EYA4: variants seen among roughly 807,000 people sequenced by gnomAD.
EYA4 encodes EYA transcriptional coactivator and phosphatase 4, also known as protein phosphatase EYA4.
In EYA4, 31 loss-of-function variants were observed where a neutral mutation model predicts 87.9. The ratio of observed to expected loss-of-function variants is 0.35; its 90% CI spans 0.27 to 0.48. The LOEUF is 0.48. EYA4 is among the 20% of genes least tolerant of loss of function. EYA4 has a pLI of 0.99. For missense variants in EYA4, 678 were observed against 761.4 expected (o/e 0.89, Z 1.29); for synonymous variants, 263 against 270.6 (o/e 0.97, Z 0.28).
At chr6:133,425,071 T>C (rs906044077) in intron 3 of EYA4, among the ~76,000 whole-genome samples, 18 of 150,908 alleles carry the variant, frequency 1.2e-4, no homozygotes, top group Non-Finnish European at 1.9e-4. Flanking sequence ...AGTATTCCTT[T>C]GGGTGGTGGT....
chr6:133,242,817 T>G (rs1323910990), intron 1 of EYA4, among the ~76,000 whole-genome samples: 1 of 152,168 alleles, frequency 6.6e-6, no homozygotes, highest in Non-Finnish European at 1.5e-5. Flanking sequence ...AGTGTTTCCC[T>G]TCACCACCAC....
chr6:133,495,254 G>A (rs1437302337), intron 13 of EYA4, among the ~76,000 whole-genome samples: 6 of 151,606 alleles, frequency 4.0e-5, no homozygotes, highest in South Asian at 2.1e-4. Flanking sequence ...GGGCAACAGA[G>A]TGAGACTCTG....
intron 3 of EYA4, among the ~76,000 whole-genome samples, chr6:133,398,713 A>G (rs1238865557): frequency 6.6e-6 from 1 of 152,212 alleles, no homozygotes; most frequent in East Asian, 1.9e-4. Flanking sequence ...TTCGCTAAGA[A>G]TGTGGACCTT....
chr6:133,340,617 C>T (rs1245267528), intron 2 of EYA4, among the ~76,000 whole-genome samples: 1 of 151,964 alleles, frequency 6.6e-6, no homozygotes, highest in Non-Finnish European at 1.5e-5. Flanking sequence ...TGCACTGGCC[C>T]CAAGGCAGAA....
At chr6:133,520,809 G>A (rs1325325542) in intron 17 of EYA4, among the ~76,000 whole-genome samples, 5 of 151,886 alleles carry the variant, frequency 3.3e-5, no homozygotes, top group South Asian at 2.1e-4. Context: ...AAATAACACC[G>A]CCTATCTACA....
At chr6:133,475,985 A>G (rs1795692671) in intron 11 of EYA4, among the ~76,000 whole-genome samples, 1 of 152,070 alleles carries the variant, frequency 6.6e-6, no homozygotes, top group African/African-American at 2.4e-5. Context: ...CACAGAAATT[A>G]TATAATGCCC....
At position 133,369,960 on chromosome 6, in the gene EYA4, A is replaced by G. The variant is rs1268505263; in HGVS notation, c.34-12432A>G. Among the ~76,000 whole-genome samples the G allele has an allele frequency of 3.3e-5, 5 of 152,170 alleles. 1 individual carries two copies. The highest frequency in any genetic ancestry group is 2.0e-4 in the Admixed American group (3 of 15,276). On this transcript the variant is annotated intron_variant, in intron 2 of 19. Coordinates refer to ENST00000355286, the MANE Select transcript of EYA4 (RefSeq NM_004100.5). The stretch of plus-strand genomic sequence containing the variant: ...TGAGGGTGACCTCTGACATCAAGTC[A>G]TCTTACTATAAACAGAAGGGCGTGG...
intron 11 of EYA4, among the ~76,000 whole-genome samples, chr6:133,472,862 C>G (rs2128685696): frequency 6.9e-6 from 1 of 145,720 alleles, no homozygotes; most frequent in African/African-American, 2.5e-5. Context: ...CCTTCTTTGT[C>G]TCTTTTGATC....
At position 133,468,689 on chromosome 6, in the gene EYA4, T is replaced by C; in HGVS notation, c.928T>C (p.Tyr310His). 1.9e-6 allele frequency: 3 copies of C among 1,613,118 alleles called. No homozygotes were observed. The highest frequency in any genetic ancestry group is 2.5e-6 in the Non-Finnish European group (3 of 1,179,314). The stretch of plus-strand genomic sequence containing the variant: ...TGGCACACCCTCTTCAACCTCTACT[T>C]ATCAGTTGCAGGAATCTCTCCCAGG... ...ADGTPSSTSTYQLQESLPGLT... is the reference protein window; with the variant it reads ...ADGTPSSTSTHQLQESLPGLT... Residue 310 changes from tyrosine to histidine, a missense_variant, in exon 11 of 20, where the codon TAT becomes CAT. Transcript: ENST00000355286.
intron 11 of EYA4, among the ~76,000 whole-genome samples, chr6:133,479,769 TAG>T (rs1463762597): frequency 6.6e-6 from 1 of 152,162 alleles, no homozygotes; most frequent in Admixed American, 6.6e-5. Context: ...AACTGAGATT[TAG>T]AGAGATTGAA....
intron 2 of EYA4, among the ~76,000 whole-genome samples, chr6:133,375,255 A>G (rs1180776953): frequency 1.3e-5 from 2 of 151,996 alleles, no homozygotes; most frequent in Non-Finnish European, 2.9e-5. Context: ...AAAAATAATC[A>G]TAGGTTATCA....
chr6:133,461,024 A>G (rs900372698), intron 6 of EYA4, 90 bp from the exon 7 acceptor site: 5 of 869,762 alleles, frequency 5.7e-6, no homozygotes, highest in South Asian at 2.6e-5. Flanking sequence ...TGTATTTAAC[A>G]TGGTAATTTC....
intron 3 of EYA4, among the ~76,000 whole-genome samples, chr6:133,407,251 GTTTT>G (rs55910301): frequency 8.4e-5 from 11 of 130,820 alleles, no homozygotes; most frequent in African/African-American, 2.2e-4. Context: ...GGAGTCTAGG[GTTTT>G]TTTTTTTTTT....
intron 2 of EYA4, among the ~76,000 whole-genome samples, chr6:133,344,723 A>G (rs913804414): frequency 2.6e-4 from 39 of 152,256 alleles, no homozygotes; most frequent in Admixed American, 7.8e-4. Flanking sequence ...ATTGCATCCA[A>G]ATTTGCATAT....
intron 1 of EYA4, among the ~76,000 whole-genome samples, chr6:133,249,932 T>A (rs1436368947): frequency 6.6e-6 from 1 of 152,238 alleles, no homozygotes; most frequent in South Asian, 2.1e-4. Flanking sequence ...GCTGTATTTG[T>A]CATTTCTGTA....
chr6:133,282,823 G>A (rs1193928813), intron 2 of EYA4, among the ~76,000 whole-genome samples: 2 of 152,124 alleles, frequency 1.3e-5, no homozygotes, highest in Non-Finnish European at 2.9e-5. Flanking sequence ...AAGAAGGGTA[G>A]CACCAAGCCT....
chr6:133,304,846 A>C (rs2128320263), intron 2 of EYA4, among the ~76,000 whole-genome samples: 1 of 152,308 alleles, frequency 6.6e-6, no homozygotes, highest in Non-Finnish European at 1.5e-5. Context: ...ACTAAACGTG[A>C]GATAAATCCT....
rs151245774 is a variant in EYA4, at chr6:133,483,061, C to T, written c.1137C>T (p.Thr379=). 45 of 1,612,906 alleles carry T rather than the reference C, an allele frequency of 2.8e-5. No homozygotes were observed. Among genetic ancestry groups the T allele is most frequent in the Non-Finnish European group, 3.8e-5 (45 of 1,179,484 alleles). The change falls in exon 13 of 20, where the codon ACC becomes ACT. Residue 379 remains threonine, a synonymous_variant. Coordinates refer to ENST00000355286, the MANE Select transcript of EYA4 (RefSeq NM_004100.5). ...TGTTTGTCTGGGATTTGGATGAAAC[C>T]ATCATTGTTTTTCACTCACTGCTCA... The part of the protein sequence containing the change: ...ERVFVWDLDE[T]IIVFHSLLTG...
chr6:133,274,862 T>C, intron 2 of EYA4, 49 bp downstream of exon 2: 1 of 1,363,002 alleles, frequency 7.3e-7, no homozygotes, highest in Non-Finnish European at 1.1e-6. Flanking sequence ...ATAACACTAC[T>C]GAAAATCATA....
Sources: gnomAD v4.1 joint callset for allele counts (sites outside exome capture counted in the v4.1 genomes callset) on GRCh38, gnomAD v4.1.1 for gene constraint, MANE v1.5 for transcripts, NCBI Gene and HGNC (gene_info 2026-07-23, HGNC 2026-07-21) for gene names.